The following COL1A1 variants were observed in gnomAD, a reference collection of about 807,000 sequenced individuals.
COL1A1 encodes the protein collagen alpha-1(I) chain.
Under a neutral mutation model 195.7 loss-of-function variants are expected in COL1A1, and 21 were observed. That is an observed-to-expected ratio of 0.11 (90% CI 0.08 to 0.15). The LOEUF (loss-of-function observed/expected upper bound fraction) is 0.15. COL1A1 is among the 10% of genes least tolerant of loss of function. The pLI is 1.00. For missense variants in COL1A1, 1,365 were observed against 2,051.0 expected (o/e 0.67, Z 6.46); for synonymous variants, 749 against 747.3 (o/e 1.00, Z -0.04).
In COL1A1 at chr17:50,188,023, C is replaced by A; in HGVS notation, c.3262-40G>T. 1 of 1,613,840 alleles carries A rather than the reference C, an allele frequency of 6.2e-7. No individual in the cohort carries two copies. The highest frequency in any genetic ancestry group is 1.1e-5 in the South Asian group (1 of 91,070). ...GGGACAAACTGTCAGGCGGAAGTTC[C>A]ATTGGCATCGAGTGGGGCACTGTCT... On this transcript the variant is annotated intron_variant, in intron 44 of 50. Coordinates refer to ENST00000225964, the MANE Select transcript of COL1A1 (RefSeq NM_000088.4). This position sits in a 1 kb window ranked among gnomAD's most constrained non-coding sequence, Gnocchi z 5.6.
In COL1A1 at chr17:50,196,160, G is replaced by T. The variant is rs764594515; in HGVS notation, c.997C>A (p.Pro333Thr). The T allele has an allele frequency of 6.2e-7, 1 of 1,614,034 alleles. No individual in the cohort carries two copies. Among genetic ancestry groups the T allele is most frequent in the African/African-American group, 1.3e-5 (1 of 74,998 alleles). Residue 333 changes from proline (P) to threonine (T), a missense_variant, in exon 15 of 51, where the codon CCC becomes ACC. By Grantham distance (38) the Pro-to-Thr change is conservative. Transcript: ENST00000225964. Reference protein sequence around the residue: ...GNDGATGAAGPPGPTGPAGPP... With the variant: ...GNDGATGAAGTPGPTGPAGPP... ...GGCCTACAGGCCACACTCACAGGGGGCCCGGCAGCACCAGTAGCACCATCA... is the reference window on the plus strand; with the variant it reads ...GGCCTACAGGCCACACTCACAGGGGTCCCGGCAGCACCAGTAGCACCATCA...
Position 50,195,062 on chromosome 17 carries a change from A to G in COL1A1, c.1338T>C (p.Gly446=). The change falls in exon 20 of 51, where the codon GGT becomes GGC. Residue 446 remains glycine (G), a synonymous_variant. Transcript: ENST00000225964. The surrounding 1 kb of genome is among the most constrained non-coding windows in gnomAD (Gnocchi z 4.3). The part of the protein sequence containing the change: ...PGAPGSKGDT[G]AKGEPGPVGV... Reference sequence around the variant, plus strand: ...GGAGACTTACAGGCTCTCCCTTAGCACCAGTGTCTCCTTTGCTGCCAGGAG... The same window carrying G: ...GGAGACTTACAGGCTCTCCCTTAGCGCCAGTGTCTCCTTTGCTGCCAGGAG... 6.2e-7 allele frequency: 1 copy of G among 1,613,684 alleles called. No homozygotes were observed. The highest frequency in any genetic ancestry group is 8.5e-7 in the Non-Finnish European group (1 of 1,179,812).
Position 50,194,901 on chromosome 17 carries a change from GCTGGGC to G in COL1A1, c.1354-79_1354-74del. On this transcript the variant is annotated intron_variant, in intron 20 of 50. Transcript: ENST00000225964. The surrounding 1 kb of genome is among the most constrained non-coding windows in gnomAD (Gnocchi z 6.8). The stretch of plus-strand genomic sequence containing the variant: ...TGTGCCAGCCTCAGAGCCGGCTGAG[GCTGGGC>G]CTCCAGTGTCAGGGGTTCCTGGGGG... 6.6e-7 allele frequency: 1 copy of G among 1,520,422 alleles called. No homozygotes were observed. The highest frequency in any genetic ancestry group is 9.1e-7 in the Non-Finnish European group (1 of 1,104,040). 94.2% of individuals were successfully genotyped at this position (1,520,422 alleles called of 1,614,324 possible). A position where few individuals can be genotyped will look rare whatever the true frequency, so the allele number is the denominator to read the frequency against.
At position 50,187,148 on chromosome 17, in the gene COL1A1, A is replaced by G. The variant is rs755833062; in HGVS notation, c.3424-26T>C. On this transcript the variant is annotated intron_variant, in intron 46 of 50. Coordinates refer to ENST00000225964, the MANE Select transcript of COL1A1 (RefSeq NM_000088.4). ...CTGGAGTGGGGGAAATGGTTTGAGA[A>G]AGGCTGCCAGAAGCCCGAACAACCC... 3.3e-5 allele frequency: 51 copies of G among 1,561,480 alleles called. 1 individual carries two copies. The South Asian group carries it at 5.8e-4, about 18-fold the overall frequency.
At position 50,186,578 on chromosome 17, in the gene COL1A1, G is replaced by T; in HGVS notation, c.3814+62C>A. 10 of 1,613,558 alleles carry T rather than the reference G, an allele frequency of 6.2e-6. No homozygotes were observed. On this transcript the variant is annotated intron_variant, in intron 48 of 50. Transcript: ENST00000225964. The surrounding 1 kb of genome is among the most constrained non-coding windows in gnomAD (Gnocchi z 5.3). Reference sequence around the variant, plus strand: ...AGCACCATATGGTAGGGGCACATATGGGCATGGGGACCCTGGCATGGCAGG... The same window carrying T: ...AGCACCATATGGTAGGGGCACATATTGGCATGGGGACCCTGGCATGGCAGG...
At chr17:50,199,630 T>C in intron 2 of COL1A1, 40 bp from the exon 3 acceptor site, 2 of 1,613,756 alleles carry the variant, frequency 1.2e-6, no homozygotes, top group Non-Finnish European at 1.7e-6. Flanking sequence ...CAAGGTTTGC[T>C]AATGCTGCTC....
Sources: gnomAD v4.1 joint callset for allele counts on GRCh38, gnomAD v4.1.1 for gene constraint, Gnocchi (gnomAD v3.1) non-coding constraint, MANE v1.5 for transcripts, NCBI Gene and HGNC (gene_info 2026-07-23, HGNC 2026-07-21) for gene names.